Variants in GRM7 observed in about 807,000 individuals in gnomAD.
GRM7 encodes the protein metabotropic glutamate receptor 7.
Under a neutral mutation model 84.5 loss-of-function variants are expected in GRM7, and 35 were observed. The ratio of observed to expected loss-of-function variants is 0.41; its 90% CI spans 0.32 to 0.55. The LOEUF (loss-of-function observed/expected upper bound fraction) is 0.55. Ranked by LOEUF, GRM7 falls within the 20% of genes least tolerant of loss-of-function variation. The probability of loss-of-function intolerance (pLI) is 0.19; values close to 1 mark genes in which losing one functional copy is unlikely to be tolerated. For synonymous variants in GRM7, 487 were observed against 455.1 expected (o/e 1.07, Z -0.89); for missense variants, 1,003 against 1,194.6 (o/e 0.84, Z 2.36).
intron 8 of GRM7, among the ~76,000 whole-genome samples, chr3:7,657,130 A>C (rs572814867): frequency 6.6e-6 from 1 of 152,334 alleles, no homozygotes; most frequent in South Asian, 2.1e-4. Flanking sequence ...TCTTCAGCAG[A>C]AATGATGACC....
At chr3:7,036,256 T>C (rs1251807631) in intron 1 of GRM7, among the ~76,000 whole-genome samples, 2 of 151,980 alleles carry the variant, frequency 1.3e-5, no homozygotes, top group African/African-American at 4.8e-5. Flanking sequence ...TTGAAGTAGG[T>C]TGAAGAAAAG....
intron 7 of GRM7, among the ~76,000 whole-genome samples, chr3:7,519,581 C>T (rs1700516195): frequency 6.6e-6 from 1 of 152,084 alleles, no homozygotes; most frequent in Non-Finnish European, 1.5e-5. Context: ...TCCAAGTTAA[C>T]AACGAAGCAA....
intron 8 of GRM7, among the ~76,000 whole-genome samples, chr3:7,635,216 G>A (rs59706590): frequency 0.013 from 1,972 of 152,322 alleles, 31 homozygotes; most frequent in African/African-American, 0.044. Flanking sequence ...ATAAAAGTAA[G>A]AGGAAGAAAT....
intron 2 of GRM7, among the ~76,000 whole-genome samples, chr3:7,185,484 C>A (rs918944055): frequency 2.1e-4 from 32 of 152,042 alleles, no homozygotes; most frequent in African/African-American, 7.7e-4. Flanking sequence ...CAGATGGACC[C>A]CACTATGTAG....
intron 1 of GRM7, among the ~76,000 whole-genome samples, chr3:6,918,325 C>T (rs1021899487): frequency 2.6e-5 from 4 of 152,072 alleles, no homozygotes; most frequent in African/African-American, 7.2e-5. Flanking sequence ...CCTTGTAGGA[C>T]GACATAGGGA....
chr3:7,248,111 A>G (rs1352424475), intron 2 of GRM7, among the ~76,000 whole-genome samples: 2 of 152,070 alleles, frequency 1.3e-5, no homozygotes, highest in African/African-American at 2.4e-5. Flanking sequence ...CAGAAATTAT[A>G]CTCCTAGTAT....
intron 1 of GRM7, among the ~76,000 whole-genome samples, chr3:6,892,436 A>G (rs954076287): frequency 1.3e-5 from 2 of 152,132 alleles, no homozygotes; most frequent in Non-Finnish European, 2.9e-5. Context: ...TAGTTACTGA[A>G]ACTTAATCAA....
intron 8 of GRM7, among the ~76,000 whole-genome samples, chr3:7,645,317 G>A (rs767391154): frequency 2.0e-5 from 3 of 151,964 alleles, no homozygotes; most frequent in Non-Finnish European, 2.9e-5. Context: ...GGGAGGCCAA[G>A]GCGGGCAGAC....
At chr3:6,908,938 C>G (rs1239753340) in intron 1 of GRM7, among the ~76,000 whole-genome samples, 2 of 152,070 alleles carry the variant, frequency 1.3e-5, no homozygotes, top group Non-Finnish European at 2.9e-5. Flanking sequence ...AATTTTTTCT[C>G]CCCATTTCTT....
Position 7,276,249 on chromosome 3 carries a change from G to GTATA in GRM7, c.737-22430_737-22427dup, listed in dbSNP as rs879488767. 1.6e-4 allele frequency among the ~76,000 whole-genome samples: 23 copies of GTATA among 143,662 alleles called. 1 individual carries two copies. Among genetic ancestry groups the GTATA allele is most frequent in the African/African-American group, 4.8e-4 (18 of 37,808 alleles). 94.2% of individuals were successfully genotyped at this position (143,662 alleles called of 152,430 possible). ...TGTGTGTGTGTGTGTGTGTGTGTGT[G>GTATA]TATATATAATTGTCCTCTCAATGTA... On this transcript the variant is annotated intron_variant, in intron 2 of 9. Coordinates refer to ENST00000357716, the MANE Select transcript of GRM7 (RefSeq NM_000844.4).
At chr3:7,189,368 A>G (rs531372096) in intron 2 of GRM7, among the ~76,000 whole-genome samples, 87 of 152,278 alleles carry the variant, frequency 5.7e-4, no homozygotes, top group African/African-American at 2.0e-3. Flanking sequence ...ACAAAGTATT[A>G]TCCTTTCCAA....
intron 8 of GRM7, among the ~76,000 whole-genome samples, chr3:7,672,959 T>C (rs1699981493): frequency 6.6e-6 from 1 of 152,224 alleles, no homozygotes; most frequent in Non-Finnish European, 1.5e-5. Context: ...AACAGGCTGT[T>C]GTTTTTCAGT....
intron 3 of GRM7, among the ~76,000 whole-genome samples, chr3:7,304,734 C>T (rs544409211): frequency 1.3e-5 from 2 of 152,058 alleles, no homozygotes; most frequent in East Asian, 1.9e-4. Flanking sequence ...TCAAAAAGAG[C>T]TGTTTCTTGT....
intron 4 of GRM7, among the ~76,000 whole-genome samples, chr3:7,347,566 G>C (rs1473140760): frequency 6.6e-6 from 1 of 152,100 alleles, no homozygotes; most frequent in African/African-American, 2.4e-5. Context: ...ACTCACTGAC[G>C]ACCACAGTAT....
chr3:7,454,577 T>C (rs1697925262), intron 6 of GRM7, among the ~76,000 whole-genome samples: 1 of 152,154 alleles, frequency 6.6e-6, no homozygotes, highest in Non-Finnish European at 1.5e-5. Flanking sequence ...TGTACACATA[T>C]ATTAGACAAT....
intron 4 of GRM7, among the ~76,000 whole-genome samples, chr3:7,333,707 TAA>T (rs35684466): frequency 5.3e-5 from 8 of 150,000 alleles, no homozygotes; most frequent in African/African-American, 1.7e-4. Context: ...ATAAAGAAAT[TAA>T]AAAAAAATAC....
intron 1 of GRM7, among the ~76,000 whole-genome samples, chr3:7,068,806 T>C (rs11918241): frequency 0.12 from 18,638 of 151,882 alleles, 1,690 homozygotes; most frequent in African/African-American, 0.26. Context: ...AAAAACCCAG[T>C]ATAAGCTGCC....
chr3:6,996,328 A>G (rs1694829370), intron 1 of GRM7, among the ~76,000 whole-genome samples: 1 of 152,194 alleles, frequency 6.6e-6, no homozygotes, highest in Non-Finnish European at 1.5e-5. Flanking sequence ...GATTACTGAC[A>G]TGAGCCACCA....
chr3:7,046,564 T>C (rs2124948479), intron 1 of GRM7, among the ~76,000 whole-genome samples: 1 of 152,224 alleles, frequency 6.6e-6, no homozygotes. Context: ...TATTTTCTGG[T>C]TTGTAGTTTT....
Sources: allele counts gnomAD v4.1 joint callset (sites outside exome capture counted in the v4.1 genomes callset), GRCh38; gene constraint gnomAD v4.1.1; transcripts MANE v1.5; gene names NCBI Gene and HGNC (gene_info 2026-07-23, HGNC 2026-07-21).